Variants in DOCK4 observed in about 807,000 individuals in gnomAD.
DOCK4 encodes dedicator of cytokinesis 4, also known as dedicator of cytokinesis protein 4.
In DOCK4, 97 loss-of-function variants were observed where a neutral mutation model predicts 268.1. The observed-to-expected ratio is 0.36, with a 90% CI of 0.31 to 0.43. The LOEUF is 0.43. Ranked by LOEUF, DOCK4 falls within the 20% of genes least tolerant of loss-of-function variation. DOCK4 has a pLI of 1.00. For missense variants in DOCK4, 2,145 were observed against 2,455.7 expected, an observed-to-expected ratio of 0.87 and a Z score of 2.67; for synonymous variants, 954 against 887.2, an observed-to-expected ratio of 1.08 and a Z score of -1.34.
intron 8 of DOCK4, among the ~76,000 whole-genome samples, chr7:111,951,285 T>C (rs1266288535): frequency 6.6e-6 from 1 of 152,196 alleles, no homozygotes; most frequent in African/African-American, 2.4e-5. Context: ...ATGCCTTACA[T>C]AGCTCTTCTC....
intron 12 of DOCK4, among the ~76,000 whole-genome samples, chr7:111,922,217 G>T (rs568070031): frequency 6.6e-6 from 1 of 152,096 alleles, no homozygotes; most frequent in East Asian, 1.9e-4. Flanking sequence ...AGGTTATATT[G>T]CTATCTTATT....
At chr7:111,791,448 GTT>G (rs975655012) in intron 30 of DOCK4, among the ~76,000 whole-genome samples, 4 of 149,908 alleles carry the variant, frequency 2.7e-5, no homozygotes, top group Non-Finnish European at 5.9e-5. Flanking sequence ...TCGAGTGTCT[GTT>G]TTTTTTGTTT....
At chr7:112,013,412 T>C (rs193066998) in intron 1 of DOCK4, among the ~76,000 whole-genome samples, 12 of 152,296 alleles carry the variant, frequency 7.9e-5, no homozygotes, top group African/African-American at 2.9e-4. Flanking sequence ...AAAAACTATT[T>C]CTCAAGGAGA....
chr7:112,045,538 C>A (rs1040408787), intron 1 of DOCK4, among the ~76,000 whole-genome samples: 1 of 152,146 alleles, frequency 6.6e-6, no homozygotes, highest in African/African-American at 2.4e-5. Context: ...AACACATGAA[C>A]AACTCAGCAA....
At chr7:111,951,954 T>C (rs762271730) in intron 8 of DOCK4, among the ~76,000 whole-genome samples, 19 of 151,690 alleles carry the variant, frequency 1.3e-4, no homozygotes, top group African/African-American at 4.8e-5. Flanking sequence ...CTTAATAAAA[T>C]TAAAACATAA....
intron 23 of DOCK4, among the ~76,000 whole-genome samples, chr7:111,849,355 C>T (rs1034242037): frequency 2.6e-5 from 4 of 151,322 alleles, no homozygotes; most frequent in Admixed American, 6.6e-5. Flanking sequence ...CTCTGCCTCC[C>T]GGGTTCAAGT....
intron 13 of DOCK4, among the ~76,000 whole-genome samples, chr7:111,906,531 G>A (rs953118094): frequency 2.6e-5 from 4 of 152,142 alleles, no homozygotes; most frequent in South Asian, 2.1e-4. Flanking sequence ...CACATGGGTG[G>A]GCTGGGTGGC....
At chr7:112,062,959 G>A (rs1048278566) in intron 1 of DOCK4, among the ~76,000 whole-genome samples, 5 of 152,204 alleles carry the variant, frequency 3.3e-5, no homozygotes, top group Non-Finnish European at 7.3e-5. Context: ...TTACAGGCCT[G>A]AGCCACCATG....
Position 111,746,928 on chromosome 7 carries a change from C to T in DOCK4, c.4593+339G>A, listed in dbSNP as rs577349527. Among the ~76,000 whole-genome samples, 114 of 150,716 alleles carry T rather than the reference C, an allele frequency of 7.6e-4. 1 individual carries two copies. In the South Asian group the frequency reaches 0.023, roughly 31 times the overall value. On this transcript the variant is annotated intron_variant, in intron 43 of 52. Coordinates refer to ENST00000428084, the MANE Select transcript of DOCK4 (RefSeq NM_001363540.2). ...ACAGGTGTGAGCCACTGAGCCCAGC[C>T]CAGATCAGACTTTTCTATGCCCATG...
chr7:112,006,016 A>C, intron 1 of DOCK4, among the ~76,000 whole-genome samples: 1 of 151,844 alleles, frequency 6.6e-6, no homozygotes, highest in East Asian at 1.9e-4. Flanking sequence ...CTTCTGTCAC[A>C]CTCGCCAGCC....
chr7:111,887,549 G>A (rs1158758988), intron 16 of DOCK4, among the ~76,000 whole-genome samples: 2 of 152,230 alleles, frequency 1.3e-5, no homozygotes, highest in African/African-American at 4.8e-5. Flanking sequence ...TATTAATAGT[G>A]CTCTATGCTA....
chr7:112,135,566 C>A (rs1417075837), intron 1 of DOCK4, among the ~76,000 whole-genome samples: 2 of 152,068 alleles, frequency 1.3e-5, no homozygotes, highest in African/African-American at 4.8e-5. Context: ...CAACAGAAAG[C>A]CATCAATCCA....
chr7:112,007,330 T>C (rs575328926), intron 1 of DOCK4, among the ~76,000 whole-genome samples: 2,589 of 130,246 alleles, frequency 0.02, 88 homozygotes, highest in African/African-American at 0.083. Context: ...AATGAATGAA[T>C]GAATGAATGA....
intron 15 of DOCK4, among the ~76,000 whole-genome samples, chr7:111,899,123 T>C (rs566354435): frequency 5.3e-5 from 8 of 152,350 alleles, no homozygotes; most frequent in African/African-American, 1.9e-4. Flanking sequence ...AAGACCCTGC[T>C]AGCTCTCTTC....
chr7:112,008,822 C>T (rs1801061377), intron 1 of DOCK4, among the ~76,000 whole-genome samples: 1 of 152,136 alleles, frequency 6.6e-6, no homozygotes, highest in African/African-American at 2.4e-5. Flanking sequence ...GGCGAAACCC[C>T]GTCTCTACTA....
chr7:111,759,120 A>G (rs111838377), intron 40 of DOCK4, among the ~76,000 whole-genome samples: 5,123 of 152,248 alleles, frequency 0.034, 174 homozygotes, highest in African/African-American at 0.081. Flanking sequence ...TGGGCCTTAG[A>G]TACTCAGAAT....
intron 1 of DOCK4, among the ~76,000 whole-genome samples, chr7:112,171,668 G>T (rs1209476775): frequency 6.6e-6 from 1 of 152,108 alleles, no homozygotes; most frequent in African/African-American, 2.4e-5. Context: ...GTTTGCTAAG[G>T]TGTTTTCTTC....
In DOCK4 at chr7:111,895,600, G is replaced by T; in HGVS notation, c.1587+12C>A. On this transcript the variant is annotated intron_variant, in intron 16 of 52. Transcript: ENST00000428084. ...TTTTTACTGCCCATCGCCACCATCT[G>T]ACTGATGTTACCTTATGCACGATGA... 1.2e-6 allele frequency: 2 copies of T among 1,611,654 alleles called. No homozygotes were observed. Among genetic ancestry groups the T allele is most frequent in the South Asian group, 2.2e-5 (2 of 90,992 alleles).
At chr7:111,899,829 CA>C (rs1454435995) in intron 15 of DOCK4, among the ~76,000 whole-genome samples, 2 of 152,200 alleles carry the variant, frequency 1.3e-5, no homozygotes, top group Admixed American at 1.3e-4. Flanking sequence ...GAGGCTGAGA[CA>C]GGAGAATTGC....
Sources: gnomAD v4.1 joint callset for allele counts (sites outside exome capture counted in the v4.1 genomes callset) on GRCh38, gnomAD v4.1.1 for gene constraint, MANE v1.5 for transcripts, NCBI Gene and HGNC (gene_info 2026-07-23, HGNC 2026-07-21) for gene names.